Variants in GPM6B observed in about 807,000 individuals in gnomAD.
GPM6B encodes the protein neuronal membrane glycoprotein M6-b.
A neutral mutation model predicts 27.2 loss-of-function variants in GPM6B; 4 were observed. The ratio of observed to expected loss-of-function variants is 0.15; its 90% CI spans 0.07 to 0.34. The LOEUF is 0.34. GPM6B is among the 10% of genes least tolerant of loss of function. The probability of loss-of-function intolerance (pLI) is 1.00; values close to 1 mark genes in which losing one functional copy is unlikely to be tolerated. For missense variants in GPM6B, 183 were observed against 261.9 expected, an observed-to-expected ratio of 0.70 and a Z score of 2.08; for synonymous variants, 124 against 103.1, an observed-to-expected ratio of 1.20 and a Z score of -1.23.
At position 13,836,201 on chromosome X, in the gene GPM6B, G is replaced by A. The variant is rs1284051355; in HGVS notation, c.-197-50393C>T. 1.1e-4 allele frequency among the ~76,000 whole-genome samples: 12 copies of A among 111,706 alleles called. No individual in the cohort carries two copies. In the Admixed American group the frequency reaches 1.1e-3, roughly 11 times the overall value. On this transcript the variant is annotated intron_variant, in intron 1 of 6. Coordinates refer to the GPM6B transcript ENST00000398361. Reference sequence around the variant, plus strand: ...ACAGGTGGCTGATCTGCTCCTTCACGATGATATCCTTGATCTGCTACAACT... The same window carrying A: ...ACAGGTGGCTGATCTGCTCCTTCACAATGATATCCTTGATCTGCTACAACT...
At chrX:13,874,952 C>T (rs111765050) in intron 1 of GPM6B, among the ~76,000 whole-genome samples, 1,139 of 104,606 alleles carry the variant, frequency 0.011, 14 homozygotes, top group African/African-American at 0.037. Flanking sequence ...CCCCCACCCC[C>T]GCTTCAAACT....
intron 7 of GPM6B, chrX:13,773,487 ATAAT>A (rs2048341412): frequency 8.9e-6 from 1 of 112,540 alleles, no homozygotes; most frequent in Non-Finnish European, 1.9e-5. Flanking sequence ...TTTTGAGTAA[ATAAT>A]TAAACTACAT....
At chrX:13,866,682 A>C (rs1428959076) in intron 1 of GPM6B, among the ~76,000 whole-genome samples, 4 of 111,554 alleles carry the variant, frequency 3.6e-5, no homozygotes, top group Non-Finnish European at 7.5e-5. Context: ...TTAAAAAAAC[A>C]ATGAGCTTCA....
chrX:13,805,567 A>G (rs2049006971), intron 2 of GPM6B, among the ~76,000 whole-genome samples: 2 of 112,111 alleles, frequency 1.8e-5, no homozygotes, highest in Non-Finnish European at 3.8e-5. Context: ...GGAGCCTCGT[A>G]TTTTTCTTCT....
At chrX:13,827,271 CTTTTTTTTTT>C (rs1173680918) in intron 1 of GPM6B, among the ~76,000 whole-genome samples, 10 of 73,641 alleles carry the variant, frequency 1.4e-4, no homozygotes, top group East Asian at 3.6e-4. Flanking sequence ...TACCGACTTC[CTTTTTTTTTT>C]TTTTTTTTTT....
At chrX:13,851,083 A>G (rs928371942) in intron 1 of GPM6B, among the ~76,000 whole-genome samples, 15 of 104,884 alleles carry the variant, frequency 1.4e-4, no homozygotes, top group African/African-American at 5.3e-4. Flanking sequence ...GAATCGCTTG[A>G]ACCCAGGAGG....
chrX:13,911,709 T>C (rs1418630055), intron 1 of GPM6B, among the ~76,000 whole-genome samples: 1 of 111,963 alleles, frequency 8.9e-6, no homozygotes, highest in African/African-American at 3.2e-5. Flanking sequence ...CAAGCCCTCC[T>C]GAAATAAAAT....
intron 1 of GPM6B, among the ~76,000 whole-genome samples, chrX:13,865,575 G>GAAAGAAAA (rs2049905445): frequency 2.0e-5 from 1 of 49,087 alleles, no homozygotes; most frequent in African/African-American, 7.2e-5. Flanking sequence ...AAGAAAGAAA[G>GAAAGAAAA]AAAAGAAAAG....
chrX:13,826,199 C>T (rs987504609), intron 1 of GPM6B, among the ~76,000 whole-genome samples: 9 of 110,405 alleles, frequency 8.2e-5, no homozygotes, highest in African/African-American at 3.0e-4. Flanking sequence ...AGGTGGATTG[C>T]CCTGAGTCTA....
chrX:13,937,655 C>T (rs189643617), intron 1 of GPM6B, among the ~76,000 whole-genome samples: 1 of 111,796 alleles, frequency 8.9e-6, no homozygotes, highest in Non-Finnish European at 1.9e-5. Context: ...CCACAGCACT[C>T]TTTACGAGTT....
At chrX:13,842,770 C>G (rs891373706) in intron 1 of GPM6B, among the ~76,000 whole-genome samples, 3 of 111,180 alleles carry the variant, frequency 2.7e-5, no homozygotes, top group African/African-American at 9.8e-5. Flanking sequence ...AACACATCAG[C>G]CTTAAGCACA....
chrX:13,812,184 G>T (rs930605791), intron 1 of GPM6B, among the ~76,000 whole-genome samples: 6 of 107,635 alleles, frequency 5.6e-5, no homozygotes, highest in Non-Finnish European at 7.7e-5. Context: ...TGAGTAGCTG[G>T]GATTACAGGC....
intron 1 of GPM6B, among the ~76,000 whole-genome samples, chrX:13,880,364 G>T (rs755411804): frequency 9.0e-6 from 1 of 111,378 alleles, no homozygotes; most frequent in Admixed American, 9.6e-5. Flanking sequence ...ATCTCCTGAA[G>T]CCAGAGTGAC....
chrX:13,814,205 C>A (rs1406340664), intron 1 of GPM6B, among the ~76,000 whole-genome samples: 1 of 112,278 alleles, frequency 8.9e-6, no homozygotes, highest in African/African-American at 3.2e-5. Flanking sequence ...AATTTACATT[C>A]TTAGTTCTTA....
intron 2 of GPM6B, among the ~76,000 whole-genome samples, chrX:13,788,565 T>C (rs768910829): frequency 1.0e-4 from 11 of 109,717 alleles, no homozygotes; most frequent in Non-Finnish European, 1.7e-4. Flanking sequence ...TATACATCTA[T>C]ATATATTTTT....
chrX:13,910,248 ATTTGGGAAGCT>A (rs112733344), intron 1 of GPM6B, among the ~76,000 whole-genome samples: 43 of 112,197 alleles, frequency 3.8e-4, no homozygotes, highest in African/African-American at 1.4e-3. Context: ...CATCAGAATC[ATTTGGGAAGCT>A]TTTAAAAATC....
At chrX:13,813,748 C>T (rs2049182249) in intron 1 of GPM6B, among the ~76,000 whole-genome samples, 2 of 111,922 alleles carry the variant, frequency 1.8e-5, no homozygotes, top group Non-Finnish European at 3.8e-5. Flanking sequence ...TATTGGGTTC[C>T]ATGATCTATT....
At chrX:13,805,800 C>T (rs1048335288) in intron 2 of GPM6B, among the ~76,000 whole-genome samples, 2 of 111,481 alleles carry the variant, frequency 1.8e-5, no homozygotes, top group South Asian at 7.5e-4. Flanking sequence ...AAGTATTTTT[C>T]TGGGTTTCCA....
At chrX:13,898,666 CAT>C (rs2050254058) in intron 1 of GPM6B, among the ~76,000 whole-genome samples, 1 of 112,727 alleles carries the variant, frequency 8.9e-6, no homozygotes, top group African/African-American at 3.2e-5. Flanking sequence ...AAGCCAGAAT[CAT>C]GTGTCATTCA....
Sources: allele counts gnomAD v4.1 joint callset (sites outside exome capture counted in the v4.1 genomes callset), GRCh38; gene constraint gnomAD v4.1.1; transcripts MANE v1.5; gene names NCBI Gene and HGNC (gene_info 2026-07-23, HGNC 2026-07-21).